Variants in MGAT4A observed in about 807,000 individuals in gnomAD.
The protein encoded by MGAT4A is N-acetylglucosaminyltransferase IVa.
Under a neutral mutation model 74.1 loss-of-function variants are expected in MGAT4A, and 33 were observed. The observed-to-expected ratio is 0.45, with a 90% CI of 0.34 to 0.60. The LOEUF (loss-of-function observed/expected upper bound fraction) is 0.60, where lower values mean the gene tolerates loss of function less well. MGAT4A is among the 20% of genes least tolerant of loss of function. MGAT4A has a pLI of 0.02. For synonymous variants in MGAT4A, 198 were observed against 210.4 expected, an observed-to-expected ratio of 0.94 and a Z score of 0.51; for missense variants, 479 against 628.3, an observed-to-expected ratio of 0.76 and a Z score of 2.54.
At chr2:98,701,378 A>G (rs1702353630) in intron 2 of MGAT4A, among the ~76,000 whole-genome samples, 1 of 152,166 alleles carries the variant, frequency 6.6e-6, no homozygotes, top group African/African-American at 2.4e-5. Context: ...ACAATTACTC[A>G]CATCCCCAAA....
At chr2:98,720,818 C>T (rs1382014706) in intron 2 of MGAT4A, among the ~76,000 whole-genome samples, 1 of 152,016 alleles carries the variant, frequency 6.6e-6, no homozygotes, top group African/African-American at 2.4e-5. Context: ...CACCAATAAG[C>T]ACACCACCAC....
intron 8 of MGAT4A, among the ~76,000 whole-genome samples, chr2:98,653,342 A>T (rs1701610473): frequency 6.6e-6 from 1 of 150,808 alleles, no homozygotes; most frequent in African/African-American, 2.4e-5. Context: ...AAATAGAAAA[A>T]AATAAATAAA....
At chr2:98,659,831 A>G (rs1701716540) in intron 5 of MGAT4A, among the ~76,000 whole-genome samples, 1 of 152,188 alleles carries the variant, frequency 6.6e-6, no homozygotes, top group Non-Finnish European at 1.5e-5. Context: ...CAGCATAAAA[A>G]TGGACTAATA....
At position 98,641,909 on chromosome 2, in the gene MGAT4A, C is replaced by T. The variant is rs181085861; in HGVS notation, c.1021-1681G>A. Among the ~76,000 whole-genome samples the T allele has an allele frequency of 4.1e-3, 625 of 151,092 alleles. 2 individuals are homozygous for T. The highest frequency in any genetic ancestry group is 6.4e-3 in the Non-Finnish European group (434 of 67,832). On this transcript the variant is annotated intron_variant, in intron 10 of 15. Transcript: ENST00000393487. ...TCAGGAGGCTGAGAGGCAGGAGAAT[C>T]GCTTGAACCTGGGGGGCAGAGGCTA...
At chr2:98,699,744 T>G (rs1023378565) in intron 2 of MGAT4A, among the ~76,000 whole-genome samples, 2 of 152,190 alleles carry the variant, frequency 1.3e-5, no homozygotes, top group African/African-American at 4.8e-5. Context: ...AAATGTACAT[T>G]ATACAATATG....
chr2:98,647,610 C>T (rs56386350), intron 8 of MGAT4A, among the ~76,000 whole-genome samples: 30,268 of 152,220 alleles, frequency 0.2, 3,931 homozygotes, highest in Non-Finnish European at 0.29. Context: ...TGAGCCACTG[C>T]GCCCGGCCCA....
At position 98,726,577 on chromosome 2, in the gene MGAT4A, G is replaced by A. The variant is rs903646325; in HGVS notation, c.-235-10C>T. 1.7e-5 allele frequency: 7 copies of A among 407,778 alleles called. No homozygotes were observed. The highest frequency in any genetic ancestry group is 2.6e-5 in the Non-Finnish European group (6 of 231,236). The allele number at this position is 407,778 out of a possible 1,614,324, so 25.3% of individuals were successfully genotyped here. ...TCGGCCTTTTCCCTTCCTATTCAGG[G>A]GAAAAGAGAAAGTCAAGCTCATTCG... On this transcript the variant is annotated splice_polypyrimidine_tract_variant and intron_variant, in intron 1 of 15. Coordinates refer to ENST00000393487, the MANE Select transcript of MGAT4A (RefSeq NM_012214.3).
intron 10 of MGAT4A, among the ~76,000 whole-genome samples, chr2:98,643,679 T>C (rs1701446325): frequency 6.6e-6 from 1 of 152,182 alleles, no homozygotes; most frequent in East Asian, 1.9e-4. Context: ...CCACCAGGGC[T>C]TACAAACACT....
intron 1 of MGAT4A, chr2:98,726,958 T>C (rs542317222): frequency 1.3e-5 from 2 of 152,012 alleles, no homozygotes; most frequent in South Asian, 4.2e-4. Flanking sequence ...ATTTTTTTAA[T>C]AAGAAAATTG....
chr2:98,699,693 T>C (rs966132033), intron 2 of MGAT4A, among the ~76,000 whole-genome samples: 5 of 152,170 alleles, frequency 3.3e-5, no homozygotes, highest in Non-Finnish European at 5.9e-5. Flanking sequence ...ATGGACCCAC[T>C]ACAATTCATG....
intron 2 of MGAT4A, among the ~76,000 whole-genome samples, chr2:98,693,679 C>CAAAAAAAAAAAAA (rs202080554): frequency 9.9e-6 from 1 of 101,474 alleles, no homozygotes; most frequent in Non-Finnish European, 1.9e-5. Context: ...GAGCTTCTCT[C>CAAAAAAAAAAAAA]AAAAAAAAAA....
At chr2:98,730,512 C>CCCTGCCCCTGCGCCTCGGACCGT (rs1233108101) in intron 1 of MGAT4A, among the ~76,000 whole-genome samples, 21 of 152,340 alleles carry the variant, frequency 1.4e-4, no homozygotes, top group African/African-American at 5.0e-4. Context: ...CGGGAGCAGC[C>CCCTGCCCCTGCGCCTCGGACCGT]CCTGCCCCTG....
chr2:98,634,827 GTATAAGGC>G (rs1206758481), intron 14 of MGAT4A, among the ~76,000 whole-genome samples: 1 of 151,418 alleles, frequency 6.6e-6, no homozygotes, highest in Non-Finnish European at 1.5e-5. Flanking sequence ...TGGCTGCCAG[GTATAAGGC>G]TATGTCAGTG....
intron 1 of MGAT4A, among the ~76,000 whole-genome samples, chr2:98,728,608 A>G (rs911887829): frequency 6.6e-6 from 1 of 151,888 alleles, no homozygotes. Flanking sequence ...ATTAGCCAGG[A>G]GTGGTGGCAG....
rs947019481 is a variant in MGAT4A at position 98,645,487 on chromosome 2, G to A, written c.830C>T (p.Ala277Val). The A allele has an allele frequency of 6.3e-7, 1 of 1,592,024 alleles. No individual in the cohort carries two copies. The highest frequency in any genetic ancestry group is 8.5e-7 in the Non-Finnish European group (1 of 1,174,760). The change falls in exon 9 of 16, where the codon GCA becomes GTA. Residue 277 changes from alanine to valine, a missense_variant. Physicochemically the swap from Ala to Val is moderately conservative, Grantham distance 64. Coordinates refer to ENST00000393487, the MANE Select transcript of MGAT4A (RefSeq NM_012214.3). The stretch of plus-strand genomic sequence containing the variant: ...CCATTCCTCAGAAGAAAGTTGAAGT[G>A]CAAAATTTTTTATGGTATTAAAATA... ...QNYFNTIKNF[A>V]LQLSSEEWMI...
chr2:98,720,366 G>A (rs1181624603), intron 2 of MGAT4A, among the ~76,000 whole-genome samples: 1 of 152,162 alleles, frequency 6.6e-6, no homozygotes, highest in Non-Finnish European at 1.5e-5. Flanking sequence ...GTGGAGGAAG[G>A]GCAACTTTGT....
intron 2 of MGAT4A, among the ~76,000 whole-genome samples, chr2:98,686,968 T>C (rs1006543819): frequency 6.6e-6 from 1 of 152,206 alleles, no homozygotes; most frequent in Non-Finnish European, 1.5e-5. Flanking sequence ...CACTTAGCTA[T>C]ATGTTTATAA....
rs570042694 is a variant in MGAT4A, at chr2:98,689,848, TAAG to T, written c.95-11380_95-11378del. Reference sequence around the variant, plus strand: ...AACAACCACCACAAAAAATAAAAAATAAGAAGACTTTGAAAGGTGGAAAGCAGA... The same window carrying T: ...AACAACCACCACAAAAAATAAAAAATAAGACTTTGAAAGGTGGAAAGCAGA... On this transcript the variant is annotated intron_variant, in intron 2 of 15. Transcript: ENST00000393487. Among the ~76,000 whole-genome samples, 75 of 151,908 alleles carry T rather than the reference TAAG, an allele frequency of 4.9e-4. 1 individual carries two copies. The South Asian group carries it at 0.015, about 31-fold the overall frequency.
intron 2 of MGAT4A, among the ~76,000 whole-genome samples, chr2:98,705,003 G>A (rs1024353435): frequency 6.6e-6 from 1 of 152,124 alleles, no homozygotes; most frequent in African/African-American, 2.4e-5. Flanking sequence ...GAGGACATCT[G>A]GAGTGCTGCA....
Sources: allele counts gnomAD v4.1 joint callset (sites outside exome capture counted in the v4.1 genomes callset), GRCh38; gene constraint gnomAD v4.1.1; transcripts MANE v1.5; gene names NCBI Gene and HGNC (gene_info 2026-07-23, HGNC 2026-07-21).